CAMK1D: variants seen among roughly 807,000 people sequenced by gnomAD.
CAMK1D encodes the protein calcium/calmodulin-dependent protein kinase type 1D.
In CAMK1D, 9 loss-of-function variants were observed where a neutral mutation model predicts 47.7. The observed-to-expected ratio is 0.19, with a 90% confidence interval of 0.11 to 0.33. The LOEUF (loss-of-function observed/expected upper bound fraction) is 0.33. Ranked by LOEUF, CAMK1D falls within the 10% of genes least tolerant of loss-of-function variation. CAMK1D has a pLI of 1.00. For missense variants in CAMK1D, 291 were observed against 488.7 expected, an observed-to-expected ratio of 0.60 and a Z score of 3.81; for synonymous variants, 184 against 184.9, an observed-to-expected ratio of 0.99 and a Z score of 0.04.
chr10:12,473,765 T>TG (rs1473996566), intron 1 of CAMK1D, among the ~76,000 whole-genome samples: 1 of 152,088 alleles, frequency 6.6e-6, no homozygotes, highest in Admixed American at 6.6e-5. Context: ...TGCAGAGCCA[T>TG]GGAGAGGTGT....
chr10:12,523,040 C>T (rs1201197784), intron 1 of CAMK1D, among the ~76,000 whole-genome samples: 61 of 151,062 alleles, frequency 4.0e-4, no homozygotes, highest in East Asian at 1.4e-3. Flanking sequence ...GGGTGGCTGC[C>T]GGGCGGAGAC....
chr10:12,758,278 T>G (rs540847653), intron 3 of CAMK1D, among the ~76,000 whole-genome samples: 1 of 152,224 alleles, frequency 6.6e-6, no homozygotes, highest in Non-Finnish European at 1.5e-5. Flanking sequence ...TCCATAACAG[T>G]ACCATAGGTT....
intron 2 of CAMK1D, among the ~76,000 whole-genome samples, chr10:12,633,700 G>A (rs575932744): frequency 2.0e-5 from 3 of 152,224 alleles, no homozygotes; most frequent in Admixed American, 6.5e-5. Context: ...GGGACCACAG[G>A]CACGCACCAT....
intron 4 of CAMK1D, among the ~76,000 whole-genome samples, chr10:12,767,147 C>T (rs1485903390): frequency 6.6e-6 from 1 of 152,142 alleles, no homozygotes; most frequent in Non-Finnish European, 1.5e-5. Flanking sequence ...CCCAAAAATA[C>T]CTGAGACAGG....
intron 2 of CAMK1D, among the ~76,000 whole-genome samples, chr10:12,569,186 G>T (rs1837237622): frequency 6.6e-6 from 1 of 152,156 alleles, no homozygotes. Context: ...CATTCAATTA[G>T]TGTGGACCTT....
intron 1 of CAMK1D, among the ~76,000 whole-genome samples, chr10:12,362,909 G>A (rs1187513297): frequency 7.9e-5 from 12 of 151,000 alleles, no homozygotes; most frequent in Non-Finnish European, 1.5e-4. Flanking sequence ...CTCCCACATT[G>A]CTGGGATTAC....
chr10:12,622,964 G>T (rs936598100), intron 2 of CAMK1D, among the ~76,000 whole-genome samples: 10 of 151,620 alleles, frequency 6.6e-5, no homozygotes, highest in African/African-American at 2.4e-4. Flanking sequence ...GGAGCCCAAG[G>T]TGGGAGTCAC....
At chr10:12,672,353 C>T (rs574180022) in intron 3 of CAMK1D, among the ~76,000 whole-genome samples, 13 of 151,870 alleles carry the variant, frequency 8.6e-5, no homozygotes, top group East Asian at 1.9e-4. Flanking sequence ...TTCCTCTGGA[C>T]GTTACATAAT....
At chr10:12,603,533 A>G (rs1366126778) in intron 2 of CAMK1D, among the ~76,000 whole-genome samples, 1 of 152,004 alleles carries the variant, frequency 6.6e-6, no homozygotes, top group Non-Finnish European at 1.5e-5. Context: ...TGGCCTTCTC[A>G]CCTGCCTTCC....
In CAMK1D at chr10:12,436,668, C is replaced by T. The variant is rs377465383; in HGVS notation, c.92+86758C>T. Among the ~76,000 whole-genome samples the T allele has an allele frequency of 1.2e-4, 18 of 152,182 alleles. No individual in the cohort carries two copies. The East Asian group carries it at 1.7e-3, about 15-fold the overall frequency. ...TCAGCCCTCATGGAGGAAGCTGTCTCGGCAGCAAAGCCCCATGGGGGCATC... is the reference window on the plus strand; with the variant it reads ...TCAGCCCTCATGGAGGAAGCTGTCTTGGCAGCAAAGCCCCATGGGGGCATC... On this transcript the variant is annotated intron_variant, in intron 1 of 10. Transcript: ENST00000619168.
At chr10:12,443,935 T>C (rs1225323299) in intron 1 of CAMK1D, among the ~76,000 whole-genome samples, 6 of 152,180 alleles carry the variant, frequency 3.9e-5, no homozygotes. Context: ...CAGCCTGGTT[T>C]CCCATTTTTA....
chr10:12,422,983 G>A (rs1412783815), intron 1 of CAMK1D, among the ~76,000 whole-genome samples: 1 of 152,068 alleles, frequency 6.6e-6, no homozygotes, highest in Non-Finnish European at 1.5e-5. Flanking sequence ...ATTGTAATGG[G>A]TTTTGCTTGT....
intron 5 of CAMK1D, among the ~76,000 whole-genome samples, chr10:12,790,686 A>G (rs1837943007): frequency 6.6e-6 from 1 of 151,762 alleles, no homozygotes; most frequent in African/African-American, 2.4e-5. Flanking sequence ...GCGTCTTCAT[A>G]TTTCTTTCTA....
intron 2 of CAMK1D, among the ~76,000 whole-genome samples, chr10:12,596,012 T>C (rs1222606579): frequency 6.6e-6 from 1 of 151,194 alleles, no homozygotes; most frequent in African/African-American, 2.4e-5. Context: ...GGGAAAGGAG[T>C]TGTTAGGGTT....
At position 12,492,273 on chromosome 10, in the gene CAMK1D, G is replaced by A. The variant is rs1834408763; in HGVS notation, c.93-60952G>A. 7.3e-5 allele frequency among the ~76,000 whole-genome samples: 11 copies of A among 150,378 alleles called. No homozygotes were observed. The South Asian group carries it at 2.3e-3, about 32-fold the overall frequency. ...TGAGCCGCCATCATGGTGAAATTCT[G>A]CTATTGCCGCCATGGACAGAGAAAT... On this transcript the variant is annotated intron_variant, in intron 1 of 10. Coordinates refer to ENST00000619168, the MANE Select transcript of CAMK1D (RefSeq NM_153498.4).
At chr10:12,473,956 A>G (rs1490838708) in intron 1 of CAMK1D, among the ~76,000 whole-genome samples, 1 of 152,128 alleles carries the variant, frequency 6.6e-6, no homozygotes, top group Non-Finnish European at 1.5e-5. Context: ...GCAATTCTGG[A>G]ACCTATTTTT....
intron 8 of CAMK1D, among the ~76,000 whole-genome samples, chr10:12,821,626 G>A (rs146283655): frequency 6.6e-6 from 1 of 152,350 alleles, no homozygotes; most frequent in East Asian, 1.9e-4. Flanking sequence ...AGTGAGACAG[G>A]CTGTAAAAGG....
At chr10:12,654,029 A>C (rs1049575272) in intron 2 of CAMK1D, among the ~76,000 whole-genome samples, 2 of 152,188 alleles carry the variant, frequency 1.3e-5, no homozygotes, top group African/African-American at 4.8e-5. Context: ...AAAAAGAAAC[A>C]ATACCTTTCC....
chr10:12,411,709 C>G (rs1338946381), intron 1 of CAMK1D, among the ~76,000 whole-genome samples: 2 of 150,858 alleles, frequency 1.3e-5, no homozygotes, highest in African/African-American at 4.9e-5. Flanking sequence ...AGCGATTCTT[C>G]TGCCTCAGCC....
Sources: allele counts gnomAD v4.1 joint callset (sites outside exome capture counted in the v4.1 genomes callset), GRCh38; gene constraint gnomAD v4.1.1; transcripts MANE v1.5; gene names NCBI Gene and HGNC (gene_info 2026-07-23, HGNC 2026-07-21).